Variants in ARHGEF10 observed in about 807,000 individuals in gnomAD.
ARHGEF10 encodes the protein Rho guanine nucleotide exchange factor (GEF) 10.
ARHGEF10 carries 140 observed loss-of-function variants against 147.4 expected under a neutral mutation model. The ratio of observed to expected loss-of-function variants is 0.95; its 90% CI spans 0.83 to 1.09. The LOEUF (loss-of-function observed/expected upper bound fraction) is 1.09. Among genes scored for constraint, ARHGEF10 ranks in the 50% least tolerant of loss-of-function variants. The pLI is 0.00. For synonymous variants in ARHGEF10, 902 were observed against 695.8 expected, an observed-to-expected ratio of 1.30 and a Z score of -4.67; for missense variants, 2,222 against 1,752.7, an observed-to-expected ratio of 1.27 and a Z score of -4.78.
rs1483965240 is a variant in ARHGEF10, at chr8:1,876,748, G to A, written c.843+14G>A. 3 of 1,612,564 alleles carry A rather than the reference G, an allele frequency of 1.9e-6. No homozygotes were observed. In the African/African-American group the frequency reaches 4.0e-5, roughly 22 times the overall value. Reference sequence around the variant, plus strand: ...CACAAAAAGCAAGTACGTGTTCCCTGCACATGTGAGGGATGGTTCTCTCGC... The same window carrying A: ...CACAAAAAGCAAGTACGTGTTCCCTACACATGTGAGGGATGGTTCTCTCGC... On this transcript the variant is annotated intron_variant, in intron 8 of 28. Transcript: ENST00000349830.
chr8:1,882,656 G>T lies in ARHGEF10; in HGVS notation c.982G>T (p.Ala328Ser). The change falls in exon 10 of 29, where the codon GCG becomes TCG. Residue 328 changes from alanine (A) to serine (S), a missense_variant. By Grantham distance (99) the Ala-to-Ser change is moderately conservative (BLOSUM62 1). Coordinates refer to ENST00000349830, the MANE Select transcript of ARHGEF10 (RefSeq NM_014629.4). ...GCAGATGCAGAAGCTCGTGAAGGCC[G>T]CGAAGGACGGCACCAAGGACGGGCT... is the stretch of plus-strand genomic sequence containing the variant. ...ELKMQKLVKA[A>S]KDGTKDGLER... is the part of the protein sequence containing the mutation. 2 of 1,554,616 alleles carry T rather than the reference G, an allele frequency of 1.3e-6. No homozygotes were observed. Among genetic ancestry groups the T allele is most frequent in the Non-Finnish European group, 1.7e-6 (2 of 1,148,476 alleles).
chr8:1,900,154 T>G (rs1490461139), intron 15 of ARHGEF10, among the ~76,000 whole-genome samples: 1 of 152,180 alleles, frequency 6.6e-6, no homozygotes, highest in African/African-American at 2.4e-5. Context: ...TGGTTAAATG[T>G]AAGTAAGTAA....
At position 1,928,593 on chromosome 8, in the gene ARHGEF10, C is replaced by A; in HGVS notation, c.2864C>A (p.Thr955Asn). ...CCTGGGGCACCCCCGGACCCCGAGACCCCGGCCGTGAGAGCTTCTGATGTC... is the reference window on the plus strand; with the variant it reads ...CCTGGGGCACCCCCGGACCCCGAGAACCCGGCCGTGAGAGCTTCTGATGTC... ...REPGAPPDPE[T>N]PAVRASDVPT... Residue 955 changes from threonine to asparagine, a missense_variant, in exon 24 of 29, where the codon ACC (threonine) becomes AAC (asparagine). Coordinates refer to ENST00000349830, the MANE Select transcript of ARHGEF10 (RefSeq NM_014629.4). 6 of 1,614,232 alleles carry A rather than the reference C, an allele frequency of 3.7e-6. No individual in the cohort carries two copies. Among genetic ancestry groups the A allele is most frequent in the East Asian group, 2.2e-5 (1 of 44,890 alleles).
chr8:1,922,117 A>C (rs569493799), intron 18 of ARHGEF10, among the ~76,000 whole-genome samples: 1 of 152,042 alleles, frequency 6.6e-6, no homozygotes. Context: ...CCGTCGTGGG[A>C]TTTAGTGAGG....
intron 4 of ARHGEF10, 30 bp downstream of exon 4, chr8:1,860,214 A>T: frequency 6.2e-7 from 1 of 1,607,174 alleles, no homozygotes; most frequent in Non-Finnish European, 8.5e-7. Flanking sequence ...CACGCCCCCG[A>T]AGTGGCCTGT....
intron 26 of ARHGEF10, among the ~76,000 whole-genome samples, chr8:1,934,277 C>T (rs3758023): frequency 0.15 from 22,226 of 149,906 alleles, 1,918 homozygotes; most frequent in East Asian, 0.2. Flanking sequence ...TCACTTGAGC[C>T]CAGGAGGTCC....
rs139515492 is a variant in ARHGEF10, at chr8:1,956,882, C to A, written c.3654C>A (p.Asp1218Glu). ...CTGGCCCCGAGCCTCAGGACGAAGACCAGAAGGACGCACTTCCGAGTGGAG... is the reference window on the plus strand; with the variant it reads ...CTGGCCCCGAGCCTCAGGACGAAGAACAGAAGGACGCACTTCCGAGTGGAG... ...LAPGPEPQDE[D>E]QKDALPSGGA... The change falls in exon 29 of 29, where the codon GAC becomes GAA. Residue 1218 changes from aspartate to glutamate, a missense_variant. Physicochemically the swap from Asp to Glu is conservative, Grantham distance 45 (BLOSUM62 2). Transcript: ENST00000349830. 902 of 1,614,138 alleles carry A rather than the reference C, an allele frequency of 5.6e-4. 3 individuals carry two copies. Among genetic ancestry groups the A allele is most frequent in the Admixed American group, 9.7e-4 (58 of 60,032 alleles).
At chr8:1,857,834 G>A (rs1281107365) in intron 2 of ARHGEF10, 126 bp from the exon 3 acceptor site, 4 of 891,264 alleles carry the variant, frequency 4.5e-6, no homozygotes, top group African/African-American at 1.7e-5. Flanking sequence ...GCGCAGTACA[G>A]CACAGAGGAA....
intron 2 of ARHGEF10, among the ~76,000 whole-genome samples, chr8:1,853,128 G>T (rs776287840): frequency 6.6e-6 from 1 of 152,176 alleles, no homozygotes; most frequent in African/African-American, 2.4e-5. Flanking sequence ...GGGTCGGCAC[G>T]GGCTGCACTG....
At chr8:1,930,793 A>G (rs1431764683) in intron 25 of ARHGEF10, among the ~76,000 whole-genome samples, 2 of 152,130 alleles carry the variant, frequency 1.3e-5, no homozygotes, top group Admixed American at 6.5e-5. Flanking sequence ...GCCTGTGCGC[A>G]CCTGCGCCAA....
At chr8:1,867,898 A>T (rs2129090679) in intron 6 of ARHGEF10, among the ~76,000 whole-genome samples, 1 of 152,306 alleles carries the variant, frequency 6.6e-6, no homozygotes, top group South Asian at 2.1e-4. Flanking sequence ...TAAAACAAAG[A>T]TCTTAGTGTA....
At chr8:1,930,901 C>A (rs1027343178) in intron 25 of ARHGEF10, among the ~76,000 whole-genome samples, 4 of 152,242 alleles carry the variant, frequency 2.6e-5, no homozygotes, top group Admixed American at 1.3e-4. Flanking sequence ...CCTGCTGATC[C>A]CTGGCCGATC....
chr8:1,925,148 A>C, intron 21 of ARHGEF10, 135 bp from the exon 22 acceptor site: 2 of 1,097,078 alleles, frequency 1.8e-6, no homozygotes, highest in Non-Finnish European at 2.7e-6. Context: ...TGCTTTCCAC[A>C]AGTAAAACAT....
At chr8:1,823,366 G>T (rs1297120953), upstream of ARHGEF10, among the ~76,000 whole-genome samples, 1 of 138,510 alleles carries the variant, frequency 7.2e-6, no homozygotes, top group South Asian at 2.6e-4. Flanking sequence ...AGGGACGGGG[G>T]CTCAAGGGCG....
intron 18 of ARHGEF10, among the ~76,000 whole-genome samples, chr8:1,911,891 C>G (rs73544715): frequency 0.013 from 2,051 of 152,334 alleles, 48 homozygotes; most frequent in African/African-American, 0.046. Flanking sequence ...TTCAAATTCA[C>G]TCTCAGTGTT....
At position 1,927,072 on chromosome 8, in the gene ARHGEF10, T is replaced by C. The variant is rs142218384; in HGVS notation, c.2697+609T>C. 53 of 165,626 alleles carry C rather than the reference T, an allele frequency of 3.2e-4. 2 individuals carry two copies. The highest frequency in any genetic ancestry group is 3.2e-3 in the Middle Eastern group (1 of 310). 10.3% of individuals were successfully genotyped at this position (165,626 alleles called of 1,614,324 possible). On this transcript the variant is annotated intron_variant, in intron 23 of 28. Coordinates refer to ENST00000349830, the MANE Select transcript of ARHGEF10 (RefSeq NM_014629.4). ...GTCCTGTGCAGCACGCCACTGCCTCTCACTTCTCACATCCACAGCTCCTGC... is the reference window on the plus strand; with the variant it reads ...GTCCTGTGCAGCACGCCACTGCCTCCCACTTCTCACATCCACAGCTCCTGC...
At chr8:1,846,314 A>C (rs1804559723) in intron 2 of ARHGEF10, among the ~76,000 whole-genome samples, 1 of 152,224 alleles carries the variant, frequency 6.6e-6, no homozygotes, top group Non-Finnish European at 1.5e-5. Flanking sequence ...TCTAGCCAAT[A>C]ACTTTTACGA....
Position 1,903,092 on chromosome 8 carries a change from GC to G in ARHGEF10, c.1651-188del, listed in dbSNP as rs11312457. On this transcript the variant is annotated intron_variant, in intron 15 of 28. Coordinates refer to ENST00000349830, the MANE Select transcript of ARHGEF10 (RefSeq NM_014629.4). The stretch of plus-strand genomic sequence containing the variant: ...TTTCAATTTTGTTTTTGCAAAGGAA[GC>G]TGTTCAGATGTTCAGCCAAGTCGTG... 0.052 allele frequency among the ~76,000 whole-genome samples: 7,975 copies of G among 152,248 alleles called. 707 individuals are homozygous for G. Among genetic ancestry groups the G allele is most frequent in the African/African-American group, 0.18 (7,531 of 41,512 alleles).
intron 11 of ARHGEF10, among the ~76,000 whole-genome samples, chr8:1,890,525 G>C (rs2129148848): frequency 6.6e-6 from 1 of 150,830 alleles, no homozygotes; most frequent in African/African-American, 2.5e-5. Context: ...GGCGAGACGG[G>C]TCTCTGAGGA....
Sources: gnomAD v4.1 joint callset for allele counts (sites outside exome capture counted in the v4.1 genomes callset) on GRCh38, gnomAD v4.1.1 for gene constraint, MANE v1.5 for transcripts, NCBI Gene and HGNC (gene_info 2026-07-23, HGNC 2026-07-21) for gene names.